B4GALNT3: variants seen among roughly 807,000 people sequenced by gnomAD.
B4GALNT3 encodes beta-1,4-N-acetylgalactosaminyltransferase 3.
In B4GALNT3, 86 loss-of-function variants were observed where a neutral mutation model predicts 120.2. The ratio of observed to expected loss-of-function variants is 0.72; its 90% CI spans 0.60 to 0.86. The LOEUF (loss-of-function observed/expected upper bound fraction) is 0.86. Ranked by LOEUF, B4GALNT3 falls within the 40% of genes least tolerant of loss-of-function variation. B4GALNT3 has a pLI of 0.00. For missense variants in B4GALNT3, 1,167 were observed against 1,298.9 expected (o/e 0.90, Z 1.56); for synonymous variants, 518 against 510.4 (o/e 1.01, Z -0.20).
At chr12:497,621 G>GTA (rs2120526486) in intron 1 of B4GALNT3, among the ~76,000 whole-genome samples, 1 of 152,256 alleles carries the variant, frequency 6.6e-6, no homozygotes, top group East Asian at 1.9e-4. Context: ...TTTCTTTTGG[G>GTA]TATAGACCCA....
Position 553,797 on chromosome 12 carries a change from T to A in B4GALNT3, c.1874T>A (p.Val625Glu). The A allele has an allele frequency of 1.9e-6, 3 of 1,614,194 alleles. No individual in the cohort carries two copies. The highest frequency in any genetic ancestry group is 2.5e-6 in the Non-Finnish European group (3 of 1,180,024). ...GATATGAGTGAGGTGTTCGAGTACG[T>A]ACCTGTGTTTGACCCGGTAGTAAAC... Reference protein sequence around the residue: ...EEDMSEVFEYVPVFDPVVNWD... With the variant: ...EEDMSEVFEYEPVFDPVVNWD... The change falls in exon 14 of 20, where the codon GTA becomes GAA. Residue 625 changes from valine (V) to glutamate (E), a missense_variant. Val to Glu is a moderately radical substitution (Grantham distance 121). Coordinates refer to ENST00000266383, the MANE Select transcript of B4GALNT3 (RefSeq NM_173593.4).
intron 1 of B4GALNT3, among the ~76,000 whole-genome samples, chr12:498,522 A>G (rs1360735926): frequency 6.6e-6 from 1 of 152,060 alleles, no homozygotes; most frequent in Non-Finnish European, 1.5e-5. Context: ...TGTGTTGTCC[A>G]CACCCACATT....
rs766208200 is a variant in B4GALNT3 at position 558,644 on chromosome 12, C to T, written c.2744C>T (p.Thr915Ile). ...GTGATGAGGCTGCATTGTGGGGCCA[C>T]CCCCCAGTGGCCTGAGGGTGAGCCC... ...PMVMRLHCGATPQWPEGYWEV... is the reference protein window; with the variant it reads ...PMVMRLHCGAIPQWPEGYWEV... Residue 915 changes from threonine to isoleucine, a missense_variant, in exon 18 of 20, where the codon ACC becomes ATC. Around this residue, in one of 3 missense-constraint regions of B4GALNT3, gnomAD observed 983 missense variants for 1,102.5 expected, o/e 0.89. Coordinates refer to ENST00000266383, the MANE Select transcript of B4GALNT3 (RefSeq NM_173593.4). 4 of 1,613,392 alleles carry T rather than the reference C, an allele frequency of 2.5e-6. No individual in the cohort carries two copies. The African/African-American group carries it at 4.0e-5, about 16-fold the overall frequency.
rs1401114699 is a variant in B4GALNT3 at position 527,860 on chromosome 12, A to G, written c.170-7306A>G. On this transcript the variant is annotated intron_variant, in intron 1 of 19. Coordinates refer to ENST00000266383, the MANE Select transcript of B4GALNT3 (RefSeq NM_173593.4). ...GTTGGGTCTCCACACTCTTCCTTGC[A>G]TTTTGGGGGCTTACATGGAGAGATG... Among the ~76,000 whole-genome samples, 3 of 152,084 alleles carry G rather than the reference A, an allele frequency of 2.0e-5. No individual in the cohort carries two copies. The South Asian group carries it at 6.2e-4, about 32-fold the overall frequency.
Position 559,334 on chromosome 12 carries a change from A to G in B4GALNT3, c.2801A>G (p.Tyr934Cys). 1 of 1,613,972 alleles carries G rather than the reference A, an allele frequency of 6.2e-7. No individual in the cohort carries two copies. The highest frequency in any genetic ancestry group is 8.5e-7 in the Non-Finnish European group (1 of 1,179,946). Residue 934 changes from tyrosine to cysteine, a missense_variant, in exon 19 of 20, where the codon TAC (tyrosine) becomes TGC (cysteine). Physicochemically the swap from Tyr to Cys is radical, Grantham distance 194 (BLOSUM62 -2). This residue lies in a region of B4GALNT3 where 983 missense variants were observed against 1,102.5 expected (regional missense o/e 0.89). Transcript: ENST00000266383. ...EVNGFGLLGI[Y>C]KSDLDRIGGM... ...AATGGGTTCGGGCTGCTTGGCATCT[A>G]CAAGTCTGACCTGGACAGGATTGGG...
chr12:489,629 AAAAG>A (rs1946322955), intron 1 of B4GALNT3, among the ~76,000 whole-genome samples: 1 of 152,218 alleles, frequency 6.6e-6, no homozygotes. Context: ...AACACTAATA[AAAAG>A]AAAGCGGAAG....
At chr12:524,333 G>A (rs765176829) in intron 1 of B4GALNT3, among the ~76,000 whole-genome samples, 1 of 152,200 alleles carries the variant, frequency 6.6e-6, no homozygotes, top group Non-Finnish European at 1.5e-5. Context: ...ATCAGACCTC[G>A]CAGATCTAGC....
At chr12:540,752 CT>C (rs969307339) in intron 3 of B4GALNT3, among the ~76,000 whole-genome samples, 6 of 150,686 alleles carry the variant, frequency 4.0e-5, no homozygotes, top group Non-Finnish European at 7.4e-5. Context: ...TTTTTCTTTT[CT>C]TTTTTTTTGA....
At position 553,763 on chromosome 12, in the gene B4GALNT3, G is replaced by A. The variant is rs745562877; in HGVS notation, c.1840G>A (p.Glu614Lys). The part of the protein sequence containing the change: ...EGEEEGEEEE[E>K]EEDMSEVFEY... ...AGAGGAAGAGGGGGAAGAAGAGGAG[G>A]AGGAAGAGGATATGAGTGAGGTGTT... The change falls in exon 14 of 20, where the codon GAG becomes AAG. Residue 614 changes from glutamate (E) to lysine (K), a missense_variant. By Grantham distance (56) the Glu-to-Lys change is moderately conservative. Coordinates refer to ENST00000266383, the MANE Select transcript of B4GALNT3 (RefSeq NM_173593.4). The A allele has an allele frequency of 2.5e-6, 4 of 1,614,218 alleles. No individual in the cohort carries two copies. Among genetic ancestry groups the A allele is most frequent in the Non-Finnish European group, 3.4e-6 (4 of 1,180,008 alleles).
chr12:537,606 T>C (rs538283011), intron 3 of B4GALNT3, among the ~76,000 whole-genome samples: 1 of 152,332 alleles, frequency 6.6e-6, no homozygotes, highest in African/African-American at 2.4e-5. Flanking sequence ...GGAAGTTAAT[T>C]AACATACACA....
At chr12:505,931 C>T (rs1332112134) in intron 1 of B4GALNT3, among the ~76,000 whole-genome samples, 3 of 152,176 alleles carry the variant, frequency 2.0e-5, no homozygotes, top group Admixed American at 6.5e-5. Flanking sequence ...GCAACTCCAT[C>T]CATCTATTTT....
At chr12:539,822 G>A (rs947208545) in intron 3 of B4GALNT3, among the ~76,000 whole-genome samples, 8 of 152,320 alleles carry the variant, frequency 5.3e-5, no homozygotes, top group African/African-American at 1.4e-4. Context: ...AAGGAAAAAG[G>A]ATTGCTTGAG....
intron 1 of B4GALNT3, among the ~76,000 whole-genome samples, chr12:467,255 T>C (rs1032184573): frequency 6.6e-6 from 1 of 152,176 alleles, no homozygotes; most frequent in Non-Finnish European, 1.5e-5. Flanking sequence ...AATGATATTC[T>C]TTATGATGAT....
intron 1 of B4GALNT3, among the ~76,000 whole-genome samples, chr12:478,083 C>G (rs1240292629): frequency 6.6e-6 from 1 of 151,842 alleles, no homozygotes; most frequent in East Asian, 1.9e-4. Context: ...GACCCCATCT[C>G]TACAAAAAAT....
rs1742737520 is a variant in B4GALNT3 at position 489,066 on chromosome 12, C to G, written c.169+28521C>G. 6.8e-5 allele frequency among the ~76,000 whole-genome samples: 10 copies of G among 147,200 alleles called. 1 individual carries two copies. ...CATTTTCAGCAAACTAACACAGGAA[C>G]AGAAAACCAAATACCACGTTCTCAC... On this transcript the variant is annotated intron_variant, in intron 1 of 19. Transcript: ENST00000266383.
intron 3 of B4GALNT3, among the ~76,000 whole-genome samples, chr12:544,113 A>G (rs1393673954): frequency 5.6e-5 from 6 of 106,956 alleles, no homozygotes; most frequent in South Asian, 3.1e-4. Context: ...GGAGCTGAGG[A>G]GCTGGGACGG....
At position 545,386 on chromosome 12, in the gene B4GALNT3, A is replaced by G; in HGVS notation, c.556A>G (p.Ile186Val). The G allele has an allele frequency of 6.2e-7, 1 of 1,611,672 alleles. No individual in the cohort carries two copies. The highest frequency in any genetic ancestry group is 1.1e-5 in the South Asian group (1 of 90,394). The change falls in exon 6 of 20, where the codon ATT (isoleucine) becomes GTT (valine). Residue 186 changes from isoleucine (I) to valine (V), a missense_variant. Around this residue, in one of 3 missense-constraint regions of B4GALNT3, gnomAD observed 983 missense variants for 1,102.5 expected, o/e 0.89. Transcript: ENST00000266383. ...PFTDGKIQFA[I>V]AADDNAEFWL... The stretch of plus-strand genomic sequence containing the variant: ...CTGCCCAGGGAAAATCCAGTTTGCC[A>G]TTGCTGCAGATGACAACGCGGAGTT...
chr12:521,093 G>A (rs67875567), intron 1 of B4GALNT3, among the ~76,000 whole-genome samples: 50,225 of 152,046 alleles, frequency 0.33, 8,558 homozygotes, highest in African/African-American at 0.39. Context: ...AGGAAGAACA[G>A]TCAGTTATTC....
chr12:545,223 G>C lies in B4GALNT3; in HGVS notation c.539-146G>C, dbSNP rs1330096199. The C allele has an allele frequency of 4.1e-6, 6 of 1,457,774 alleles. No homozygotes were observed. In the East Asian group the frequency reaches 1.5e-4, roughly 36 times the overall value. 90.3% of individuals were successfully genotyped at this position (1,457,774 alleles called of 1,614,324 possible). On this transcript the variant is annotated intron_variant, in intron 5 of 19. Coordinates refer to ENST00000266383, the MANE Select transcript of B4GALNT3 (RefSeq NM_173593.4). The stretch of plus-strand genomic sequence containing the variant: ...TTCTCCATCTTCACACTGTCTCCCA[G>C]GATGTAGAAACCCCCACTTTACAGA...
Sources: allele counts gnomAD v4.1 joint callset (sites outside exome capture counted in the v4.1 genomes callset), GRCh38; gene constraint gnomAD v4.1.1; regional missense constraint gnomAD v4.1.1; transcripts MANE v1.5; gene names NCBI Gene and HGNC (gene_info 2026-07-23, HGNC 2026-07-21).